Variants in TMOD3 observed in about 807,000 individuals in gnomAD.
TMOD3 encodes tropomodulin 3, also known as tropomodulin-3.
Under a neutral mutation model 39.2 loss-of-function variants are expected in TMOD3, and 20 were observed. That is an observed-to-expected ratio of 0.51 (90% CI 0.36 to 0.74). TMOD3 has a LOEUF of 0.74. Among genes scored for constraint, TMOD3 ranks in the 30% least tolerant of loss-of-function variants. The probability of loss-of-function intolerance (pLI) is 0.00; values close to 1 mark genes in which losing one functional copy is unlikely to be tolerated. For missense variants in TMOD3, 381 were observed against 412.8 expected, an observed-to-expected ratio of 0.92 and a Z score of 0.67; for synonymous variants, 143 against 145.8, an observed-to-expected ratio of 0.98 and a Z score of 0.14.
chr15:51,861,165 C>T (rs2056416417), intron 1 of TMOD3: 2 of 484,362 alleles, frequency 4.1e-6, no homozygotes, highest in African/African-American at 2.0e-5. Context: ...TTCCTGGATT[C>T]TGTACTGTAG....
chr15:51,881,781 C>G (rs2056536217), intron 3 of TMOD3, among the ~76,000 whole-genome samples: 2 of 151,824 alleles, frequency 1.3e-5, no homozygotes, highest in Admixed American at 1.3e-4. Flanking sequence ...TCAGGCTGGC[C>G]TTGAACTCCT....
At chr15:51,876,493 G>A (rs982641294) in intron 3 of TMOD3, among the ~76,000 whole-genome samples, 9 of 143,828 alleles carry the variant, frequency 6.3e-5, no homozygotes, top group Admixed American at 4.3e-4. Flanking sequence ...ATGGAGTCTC[G>A]CTCTGTTTCC....
intron 2 of TMOD3, among the ~76,000 whole-genome samples, chr15:51,863,881 G>A (rs981384234): frequency 6.6e-6 from 1 of 152,122 alleles, no homozygotes; most frequent in African/African-American, 2.4e-5. Flanking sequence ...ATTGGAGGGG[G>A]ATTACTCAGG....
intron 1 of TMOD3, chr15:51,859,834 T>C (rs2056407885): frequency 3.9e-6 from 2 of 518,496 alleles, no homozygotes; most frequent in Middle Eastern, 3.3e-4. Flanking sequence ...CAGGAAGTTA[T>C]GGCACAGCAA....
intron 6 of TMOD3, 120 bp downstream of exon 6, chr15:51,894,065 AC>A (rs1400412377): frequency 3.8e-6 from 3 of 799,764 alleles, no homozygotes; most frequent in Non-Finnish European, 5.4e-6. Context: ...TTTTGCTCTT[AC>A]CAGTATGCTA....
At chr15:51,882,434 G>A (rs2056539664) in intron 3 of TMOD3, among the ~76,000 whole-genome samples, 1 of 152,002 alleles carries the variant, frequency 6.6e-6, no homozygotes, top group Non-Finnish European at 1.5e-5. Context: ...AGGAGGCAGA[G>A]GTTGCATGGA....
chr15:51,873,663 C>G (rs1268008320), intron 3 of TMOD3, among the ~76,000 whole-genome samples: 1 of 151,798 alleles, frequency 6.6e-6, no homozygotes, highest in African/African-American at 2.4e-5. Flanking sequence ...ATAGTGAGCT[C>G]TCATCGTAAA....
At chr15:51,838,996 A>T (rs77697483) in intron 1 of TMOD3, among the ~76,000 whole-genome samples, 2 of 152,100 alleles carry the variant, frequency 1.3e-5, no homozygotes, top group African/African-American at 4.8e-5. Flanking sequence ...TTGGCTGTAT[A>T]TTTCACAGGG....
intron 7 of TMOD3, among the ~76,000 whole-genome samples, chr15:51,899,582 A>G (rs759956288): frequency 2.6e-5 from 4 of 151,626 alleles, no homozygotes; most frequent in East Asian, 1.9e-4. Flanking sequence ...GGGAAGATCA[A>G]TTGAGCCCAG....
intron 3 of TMOD3, among the ~76,000 whole-genome samples, chr15:51,877,049 C>T (rs1184103204): frequency 3.3e-5 from 5 of 152,064 alleles, no homozygotes; most frequent in African/African-American, 4.8e-5. Flanking sequence ...GGCATCAGAG[C>T]GAGACTCTGT....
intron 1 of TMOD3, among the ~76,000 whole-genome samples, chr15:51,831,382 C>T (rs1237127732): frequency 1.3e-5 from 2 of 152,284 alleles, no homozygotes; most frequent in Middle Eastern, 3.4e-3. Context: ...TTTGGTACAA[C>T]AGAAAGGCCC....
chr15:51,908,608 G>GGTTGT (rs1387009910), intron 9 of TMOD3, among the ~76,000 whole-genome samples, 168 bp from the exon 10 acceptor site: 1 of 149,868 alleles, frequency 6.7e-6, no homozygotes. Context: ...ATGGGAAGTA[G>GGTTGT]GTTGTTTTTT....
At chr15:51,834,550 G>T (rs745642388) in intron 1 of TMOD3, among the ~76,000 whole-genome samples, 18 of 152,136 alleles carry the variant, frequency 1.2e-4, no homozygotes, top group East Asian at 1.9e-4. Context: ...CCCTTTCTCG[G>T]CCAGGCACAG....
At chr15:51,836,980 A>G (rs951803101) in intron 1 of TMOD3, among the ~76,000 whole-genome samples, 1 of 152,190 alleles carries the variant, frequency 6.6e-6, no homozygotes, top group Non-Finnish European at 1.5e-5. Flanking sequence ...GAACATCATG[A>G]TAAGTACATA....
intron 1 of TMOD3, among the ~76,000 whole-genome samples, chr15:51,835,525 C>G (rs1485366259): frequency 6.6e-6 from 1 of 152,122 alleles, no homozygotes; most frequent in Non-Finnish European, 1.5e-5. Context: ...CCCAGGCTGT[C>G]CTTGAACTCC....
At chr15:51,873,025 G>T (rs569167429) in intron 3 of TMOD3, among the ~76,000 whole-genome samples, 1 of 152,210 alleles carries the variant, frequency 6.6e-6, no homozygotes, top group African/African-American at 2.4e-5. Context: ...AACTTTGGCT[G>T]TAAAGCTCTG....
At position 51,914,728 on chromosome 15, in the gene TMOD3, A is replaced by G. The variant is rs1325133817; in HGVS notation, c.*5918A>G. On this transcript the variant is annotated 3_prime_UTR_variant, in exon 10 of 10. Transcript: ENST00000308580. The stretch of plus-strand genomic sequence containing the variant: ...TTTGCTAACATAGCTGTAACAAATT[A>G]TTAAGTTCTTTTTTTTTTTTAAGAT... 6.6e-6 allele frequency: 1 copy of G among 151,744 alleles called. No individual in the cohort carries two copies. The highest frequency in any genetic ancestry group is 1.9e-4 in the East Asian group (1 of 5,150). The allele number at this position is 151,744 out of a possible 1,614,324, so 9.4% of individuals were successfully genotyped here.
At chr15:51,847,507 AC>A (rs958683446) in intron 1 of TMOD3, among the ~76,000 whole-genome samples, 18 of 152,282 alleles carry the variant, frequency 1.2e-4, no homozygotes, top group Admixed American at 1.1e-3. Flanking sequence ...GAGTCAACAA[AC>A]CGTAGCATCC....
chr15:51,899,163 AT>A (rs2056636459), intron 7 of TMOD3: 1 of 152,140 alleles, frequency 6.6e-6, no homozygotes, highest in Admixed American at 6.6e-5. Context: ...ATTTACCCTC[AT>A]TTTGGCTTCA....
Sources: allele counts gnomAD v4.1 joint callset (sites outside exome capture counted in the v4.1 genomes callset), GRCh38; gene constraint gnomAD v4.1.1; transcripts MANE v1.5; gene names NCBI Gene and HGNC (gene_info 2026-07-23, HGNC 2026-07-21).